The following DENND3 variants were observed in gnomAD, a reference collection of about 807,000 sequenced individuals.
DENND3 encodes the protein DENN domain-containing protein 3.
A neutral mutation model predicts 135.1 loss-of-function variants in DENND3; 88 were observed. That is an observed-to-expected ratio of 0.65 (90% CI 0.55 to 0.78). The LOEUF (loss-of-function observed/expected upper bound fraction) is 0.78, where lower values mean the gene tolerates loss of function less well. Among genes scored for constraint, DENND3 ranks in the 30% least tolerant of loss-of-function variants. The probability of loss-of-function intolerance (pLI) is 0.00; values close to 1 mark genes in which losing one functional copy is unlikely to be tolerated. For missense variants in DENND3, 1,392 were observed against 1,688.4 expected (o/e 0.82, Z 3.08); for synonymous variants, 693 against 712.3 (o/e 0.97, Z 0.43).
chr8:141,193,928 A>G, intron 22 of DENND3, 105 bp from the exon 23 acceptor site: 1 of 1,269,926 alleles, frequency 7.9e-7, no homozygotes, highest in Non-Finnish European at 1.1e-6. Flanking sequence ...CAGGAAGGAC[A>G]TAGATTTGGA....
Position 141,168,542 on chromosome 8 carries a change from C to T in DENND3, c.2275+17C>T. ...TGACTGTAGGTAAGAGGAGGCCTGG[C>T]ACCATCACAGATTTTATTATTTAGA... On this transcript the variant is annotated intron_variant, in intron 13 of 22. Coordinates refer to ENST00000519811, the MANE Select transcript of DENND3 (RefSeq NM_001352890.3). This position sits in a 1 kb window ranked among gnomAD's most constrained non-coding sequence, Gnocchi z 6.2. 6.3e-7 allele frequency: 1 copy of T among 1,587,542 alleles called. No homozygotes were observed. The highest frequency in any genetic ancestry group is 8.6e-7 in the Non-Finnish European group (1 of 1,164,170).
chr8:141,161,806 T>C (rs1293794076), intron 9 of DENND3, among the ~76,000 whole-genome samples: 1 of 149,552 alleles, frequency 6.7e-6, no homozygotes, highest in East Asian at 1.9e-4. Flanking sequence ...GCCTTTTTTT[T>C]TTTTTTTTTT....
rs978718152 is a variant in DENND3 at position 141,173,108 on chromosome 8, A to G, written c.2276-2092A>G. Among the ~76,000 whole-genome samples the G allele has an allele frequency of 9.5e-5, 14 of 146,830 alleles. 1 individual carries two copies. The highest frequency in any genetic ancestry group is 4.3e-4 in the South Asian group (2 of 4,600). On this transcript the variant is annotated intron_variant, in intron 13 of 22. Coordinates refer to ENST00000519811, the MANE Select transcript of DENND3 (RefSeq NM_001352890.3). ...AAGGGAGACTCTGGCAAACAATCTTAGGTACAGAGTCAGGAGAGGACCCCC... is the reference window on the plus strand; with the variant it reads ...AAGGGAGACTCTGGCAAACAATCTTGGGTACAGAGTCAGGAGAGGACCCCC...
At position 141,190,429 on chromosome 8, in the gene DENND3, C is replaced by T. The variant is rs199918098; in HGVS notation, c.3379+12C>T. 4.0e-4 allele frequency: 639 copies of T among 1,601,362 alleles called. 2 individuals are homozygous for T. In the African/African-American group the frequency reaches 7.4e-3, roughly 19 times the overall value. Reference sequence around the variant, plus strand: ...CCGCCTGTGGTGCTGTAAGTCCGGCCCCTGCCATCAGAGCGGGCACCCTAC... The same window carrying T: ...CCGCCTGTGGTGCTGTAAGTCCGGCTCCTGCCATCAGAGCGGGCACCCTAC... On this transcript the variant is annotated intron_variant, in intron 20 of 22. Coordinates refer to ENST00000519811, the MANE Select transcript of DENND3 (RefSeq NM_001352890.3).
intron 13 of DENND3, among the ~76,000 whole-genome samples, chr8:141,173,133 C>T (rs1292147193): frequency 6.8e-6 from 1 of 147,956 alleles, no homozygotes; most frequent in East Asian, 2.0e-4. Context: ...AGAGGACCCC[C>T]ATGCTCTTCG....
At chr8:141,153,794 C>T (rs770865943) in intron 7 of DENND3, among the ~76,000 whole-genome samples, 14 of 152,206 alleles carry the variant, frequency 9.2e-5, no homozygotes, top group Non-Finnish European at 1.6e-4. Context: ...ATTAGGGGAA[C>T]AAAATTGTGT....
At position 141,154,203 on chromosome 8, in the gene DENND3, G is replaced by A. The variant is rs949094434; in HGVS notation, c.1075-1646G>A. ...GGCGGGGCCCAGAATGAGAGCCGGG[G>A]AGTCGGGGCCTTCCCCAGGAACCTG... is the stretch of plus-strand genomic sequence containing the variant. On this transcript the variant is annotated intron_variant, in intron 7 of 22. Coordinates refer to ENST00000519811, the MANE Select transcript of DENND3 (RefSeq NM_001352890.3). The surrounding 1 kb of genome is among the most constrained non-coding windows in gnomAD (Gnocchi z 4.4). Among the ~76,000 whole-genome samples, 4 of 152,262 alleles carry A rather than the reference G, an allele frequency of 2.6e-5. No individual in the cohort carries two copies. Among genetic ancestry groups the A allele is most frequent in the African/African-American group, 9.6e-5 (4 of 41,472 alleles).
chr8:141,176,894 G>A, intron 15 of DENND3, 133 bp downstream of exon 15: 2 of 964,690 alleles, frequency 2.1e-6, no homozygotes, highest in Non-Finnish European at 3.1e-6. Flanking sequence ...GAGTAAGTTT[G>A]TCGGACACCA....
intron 1 of DENND3, among the ~76,000 whole-genome samples, 198 bp from the exon 2 acceptor site, chr8:141,136,311 C>T (rs1164242456): frequency 2.0e-5 from 3 of 152,172 alleles, no homozygotes; most frequent in Non-Finnish European, 2.9e-5. Flanking sequence ...TGCGAGTCTA[C>T]GTGGCTTCCC....
At chr8:141,140,591 G>C (rs1034875893) in intron 3 of DENND3, among the ~76,000 whole-genome samples, 1 of 152,212 alleles carries the variant, frequency 6.6e-6, no homozygotes, top group African/African-American at 2.4e-5. Flanking sequence ...TGATGTAGCT[G>C]ACTGTTTCCT....
At chr8:141,164,531 C>T (rs955716188) in intron 10 of DENND3, among the ~76,000 whole-genome samples, 18 of 152,350 alleles carry the variant, frequency 1.2e-4, no homozygotes, top group African/African-American at 4.1e-4. Flanking sequence ...CCAGGGCCCT[C>T]CGCCTTGGCT....
chr8:141,194,160 C>T lies in DENND3; in HGVS notation c.3764C>T (p.Ser1255Leu), dbSNP rs1301249581. ...ATGGACACCGTGAGGACGCTGTGCTCGGCTGAGGACAGATACGTGCTGAGT... is the reference window on the plus strand; with the variant it reads ...ATGGACACCGTGAGGACGCTGTGCTTGGCTGAGGACAGATACGTGCTGAGT... ...AHMDTVRTLC[S>L]AEDRYVLSGS... Residue 1255 changes from serine to leucine, a missense_variant, in exon 23 of 23, where the codon TCG (serine) becomes TTG (leucine). Transcript: ENST00000519811. 12 of 1,613,672 alleles carry T rather than the reference C, an allele frequency of 7.4e-6. No homozygotes were observed. The highest frequency in any genetic ancestry group is 3.3e-5 in the South Asian group (3 of 90,908).
chr8:141,147,001 C>G (rs960126612), intron 5 of DENND3, among the ~76,000 whole-genome samples: 4 of 152,160 alleles, frequency 2.6e-5, no homozygotes, highest in African/African-American at 9.7e-5. Context: ...ATAAGGAATG[C>G]GTGCGTAGCA....
At chr8:141,169,730 C>T (rs1397432684) in intron 13 of DENND3, among the ~76,000 whole-genome samples, 1 of 152,234 alleles carries the variant, frequency 6.6e-6, no homozygotes, top group Non-Finnish European at 1.5e-5. Context: ...TGAGTTTAAA[C>T]ACAAAAATGG....
rs774153424 is a variant in DENND3 at position 141,180,757 on chromosome 8, G to A, written c.2847G>A (p.Thr949=). 8.7e-6 allele frequency: 14 copies of A among 1,612,652 alleles called. No homozygotes were observed. Among genetic ancestry groups the A allele is most frequent in the East Asian group, 2.2e-5 (1 of 44,862 alleles). The change falls in exon 17 of 23, where the codon ACG becomes ACA. Residue 949 remains threonine (T), a synonymous_variant. Coordinates refer to ENST00000519811, the MANE Select transcript of DENND3 (RefSeq NM_001352890.3). ...TGTCTTGTCTTTCAGTGCCCATGAC[G>A]CTTCCGGAGACAACCCTGGAAACAC... ...FDKMSNEMPM[T]LPETTLETLK...
In DENND3 at chr8:141,176,744, C is replaced by T. The variant is rs777569858; in HGVS notation, c.2689C>T (p.Leu897=). ...GAAGGAGATGTGGGCTGGGAAGAAG[C>T]TGGCCGATGACCACAAGGTGGGAGA... The part of the protein sequence containing the change: ...MVKEMWAGKK[L]ADDHKDPHYV... Residue 897 remains leucine, a synonymous_variant, in exon 15 of 23, where the codon CTG becomes TTG. Transcript: ENST00000519811. 28 of 1,613,884 alleles carry T rather than the reference C, an allele frequency of 1.7e-5. No individual in the cohort carries two copies. The highest frequency in any genetic ancestry group is 4.0e-5 in the African/African-American group (3 of 74,934).
At chr8:141,183,810 C>T (rs1823519045) in intron 17 of DENND3, among the ~76,000 whole-genome samples, 1 of 150,938 alleles carries the variant, frequency 6.6e-6, no homozygotes, top group Non-Finnish European at 1.5e-5. Context: ...CAGGGCAACG[C>T]TCACTCTAGC....
chr8:141,194,176 C>G lies in DENND3; in HGVS notation c.3780C>G (p.Tyr1260Ter). The part of the protein sequence containing the change: ...VRTLCSAEDR[Y>*]VLSGSGREEG... ...CGCTGTGCTCGGCTGAGGACAGATACGTGCTGAGTGGGTCGGGCAGGGAGG... is the reference window on the plus strand; with the variant it reads ...CGCTGTGCTCGGCTGAGGACAGATAGGTGCTGAGTGGGTCGGGCAGGGAGG... Residue 1260 changes from tyrosine to a stop codon, truncating the protein, a stop_gained, in exon 23 of 23, where the codon TAC (tyrosine) becomes TAG (stop). Coordinates refer to ENST00000519811, the MANE Select transcript of DENND3 (RefSeq NM_001352890.3). LOFTEE classifies it high-confidence loss of function. 6.2e-7 allele frequency: 1 copy of G among 1,613,596 alleles called. No homozygotes were observed. The highest frequency in any genetic ancestry group is 1.1e-5 in the South Asian group (1 of 90,882).
At chr8:141,190,560 G>A (rs951853385) in intron 20 of DENND3, 143 bp downstream of exon 20, 12 of 1,284,516 alleles carry the variant, frequency 9.3e-6, no homozygotes, top group Non-Finnish European at 1.1e-5. Flanking sequence ...TTCTGTGGTC[G>A]CAGCAACCTT....
Sources: allele counts gnomAD v4.1 joint callset (sites outside exome capture counted in the v4.1 genomes callset), GRCh38; gene constraint gnomAD v4.1.1; non-coding constraint Gnocchi (gnomAD v3.1); transcripts MANE v1.5; gene names NCBI Gene and HGNC (gene_info 2026-07-23, HGNC 2026-07-21).